Variants in CNTN4 observed in about 807,000 individuals in gnomAD.
CNTN4 encodes contactin 4.
In CNTN4, 77 loss-of-function variants were observed where a neutral mutation model predicts 122.5. The ratio of observed to expected loss-of-function variants is 0.63; its 90% CI spans 0.52 to 0.76. The LOEUF is 0.76. Among genes scored for constraint, CNTN4 ranks in the 30% least tolerant of loss-of-function variants. The probability of loss-of-function intolerance (pLI) is 0.00; values close to 1 mark genes in which losing one functional copy is unlikely to be tolerated. For synonymous variants in CNTN4, 512 were observed against 447.0 expected (o/e 1.15, Z -1.83); for missense variants, 1,256 against 1,259.1 (o/e 1.00, Z 0.04).
intron 4 of CNTN4, among the ~76,000 whole-genome samples, chr3:2,692,104 T>C (rs965666597): frequency 6.6e-6 from 1 of 151,558 alleles, no homozygotes; most frequent in African/African-American, 2.4e-5. Flanking sequence ...ATTCTTAAAC[T>C]TAAGTGGCAC....
chr3:2,371,614 G>A (rs2045635755), intron 3 of CNTN4, among the ~76,000 whole-genome samples: 1 of 152,118 alleles, frequency 6.6e-6, no homozygotes, highest in Admixed American at 6.6e-5. Flanking sequence ...GGTTGTTTTT[G>A]TATTTCTTTT....
At chr3:2,761,172 G>A (rs560609969) in intron 6 of CNTN4, among the ~76,000 whole-genome samples, 2 of 152,168 alleles carry the variant, frequency 1.3e-5, no homozygotes, top group Non-Finnish European at 2.9e-5. Flanking sequence ...TTAAATGGGC[G>A]GTTTTTCTAT....
chr3:2,312,069 T>G (rs1038472192), intron 2 of CNTN4, among the ~76,000 whole-genome samples: 1 of 151,962 alleles, frequency 6.6e-6, no homozygotes, highest in Non-Finnish European at 1.5e-5. Context: ...AAAATGGCAC[T>G]TTGGGAGGTT....
intron 4 of CNTN4, among the ~76,000 whole-genome samples, chr3:2,586,826 T>C (rs1041148043): frequency 6.6e-6 from 1 of 152,168 alleles, no homozygotes; most frequent in Non-Finnish European, 1.5e-5. Context: ...ACAACTGTCC[T>C]CCAACACCCA....
intron 4 of CNTN4, among the ~76,000 whole-genome samples, chr3:2,610,804 G>T (rs2081449303): frequency 6.6e-6 from 1 of 152,102 alleles, no homozygotes; most frequent in East Asian, 1.9e-4. Context: ...AGAGTGTATT[G>T]TCTGAGAATA....
At chr3:3,001,791 G>A (rs564393734) in intron 14 of CNTN4, among the ~76,000 whole-genome samples, 4 of 152,188 alleles carry the variant, frequency 2.6e-5, no homozygotes, top group South Asian at 2.1e-4. Context: ...TTGAGAAGAC[G>A]ACTACTAGAG....
At chr3:2,114,072 G>C (rs1473250310) in intron 2 of CNTN4, among the ~76,000 whole-genome samples, 1 of 152,122 alleles carries the variant, frequency 6.6e-6, no homozygotes, top group African/African-American at 2.4e-5. Context: ...ATATAATGGT[G>C]GTAGTTTCAT....
Position 2,887,048 on chromosome 3 carries a change from C to A in CNTN4, c.764C>A (p.Pro255Gln). 6.2e-7 allele frequency: 1 copy of A among 1,613,638 alleles called. No homozygotes were observed. Among genetic ancestry groups the A allele is most frequent in the South Asian group, 1.1e-5 (1 of 91,040 alleles). The change falls in exon 10 of 25, where the codon CCA becomes CAA. Residue 255 changes from proline (P) to glutamine (Q), a missense_variant. Coordinates refer to ENST00000418658, the MANE Select transcript of CNTN4 (RefSeq NM_175607.3). Reference protein sequence around the residue: ...LECFALGNPVPTIIWRRADGK... With the variant: ...LECFALGNPVQTIIWRRADGK... Reference sequence around the variant, plus strand: ...TTTATTCTTGCTATCAGTCCAGTACCAACTATTATCTGGCGAAGAGCTGAT... The same window carrying A: ...TTTATTCTTGCTATCAGTCCAGTACAAACTATTATCTGGCGAAGAGCTGAT...
intron 6 of CNTN4, among the ~76,000 whole-genome samples, chr3:2,802,312 T>A (rs1428845106): frequency 6.6e-6 from 1 of 152,168 alleles, no homozygotes; most frequent in Non-Finnish European, 1.5e-5. Context: ...CCAGCTGAGG[T>A]TGAACAAAGT....
intron 2 of CNTN4, among the ~76,000 whole-genome samples, chr3:2,146,893 G>GT (rs1212592560): frequency 3.9e-5 from 6 of 151,956 alleles, no homozygotes; most frequent in Non-Finnish European, 5.9e-5. Context: ...GTTTTGTTTT[G>GT]TTTTTTTGAG....
chr3:2,963,564 C>G (rs1405957815), intron 13 of CNTN4, among the ~76,000 whole-genome samples: 1 of 152,124 alleles, frequency 6.6e-6, no homozygotes, highest in East Asian at 1.9e-4. Context: ...CTCTCTCATT[C>G]CCCATTCTTT....
intron 6 of CNTN4, among the ~76,000 whole-genome samples, chr3:2,798,289 G>T (rs1178987370): frequency 3.5e-5 from 1 of 28,324 alleles, no homozygotes; most frequent in African/African-American, 4.8e-5. Flanking sequence ...GTGTGTGTGT[G>T]TGTGTATATA....
intron 3 of CNTN4, among the ~76,000 whole-genome samples, chr3:2,514,269 T>G (rs1468394355): frequency 6.6e-6 from 1 of 152,024 alleles, no homozygotes; most frequent in Non-Finnish European, 1.5e-5. Context: ...ACCCTAACCC[T>G]CCTTAACAGC....
At position 2,198,657 on chromosome 3, in the gene CNTN4, C is replaced by T. The variant is rs569384605; in HGVS notation, c.-145+98018C>T. On this transcript the variant is annotated intron_variant, in intron 2 of 24. Coordinates refer to ENST00000418658, the MANE Select transcript of CNTN4 (RefSeq NM_175607.3). ...TATAAAAAAATAAAATATATTTCCT[C>T]CTCTCCCTTCCCCATCATCAGGGAC... Among the ~76,000 whole-genome samples, 14 of 152,272 alleles carry T rather than the reference C, an allele frequency of 9.2e-5. No homozygotes were observed. In the South Asian group the frequency reaches 2.1e-3, roughly 23 times the overall value.
chr3:2,714,502 AAG>A (rs2087358723), intron 4 of CNTN4, among the ~76,000 whole-genome samples: 1 of 152,108 alleles, frequency 6.6e-6, no homozygotes, highest in Admixed American at 6.5e-5. Flanking sequence ...CTAAGAGTGA[AAG>A]AGGAAGATAG....
intron 3 of CNTN4, among the ~76,000 whole-genome samples, chr3:2,559,529 C>G (rs570844011): frequency 4.0e-5 from 6 of 151,300 alleles, no homozygotes; most frequent in African/African-American, 1.5e-4. Context: ...GTAATCTGTC[C>G]AAAACCTTTG....
intron 3 of CNTN4, among the ~76,000 whole-genome samples, chr3:2,569,930 T>C (rs2079344734): frequency 6.6e-6 from 1 of 152,012 alleles, no homozygotes; most frequent in Admixed American, 6.6e-5. Flanking sequence ...CCCTACTGGA[T>C]AAAGAGACTC....
chr3:2,392,245 A>C (rs972206901), intron 3 of CNTN4, among the ~76,000 whole-genome samples: 1 of 152,212 alleles, frequency 6.6e-6, no homozygotes, highest in Non-Finnish European at 1.5e-5. Flanking sequence ...CTGTCTCTTC[A>C]GGAAGTCTAT....
rs371014854 is a variant in CNTN4, at chr3:2,634,494, A to G, written c.55+62936A>G. Among the ~76,000 whole-genome samples, 23 of 152,210 alleles carry G rather than the reference A, an allele frequency of 1.5e-4. No homozygotes were observed. The South Asian group carries it at 3.3e-3, about 22-fold the overall frequency. On this transcript the variant is annotated intron_variant, in intron 4 of 24. Transcript: ENST00000418658. ...AAAAAATGCTTTCAGAACTTACTCA[A>G]TGCTATAATAGCTTTGGAAACTAAA...
Sources: gnomAD v4.1 joint callset for allele counts (sites outside exome capture counted in the v4.1 genomes callset) on GRCh38, gnomAD v4.1.1 for gene constraint, MANE v1.5 for transcripts, NCBI Gene and HGNC (gene_info 2026-07-23, HGNC 2026-07-21) for gene names.